Variants in RSPH4A observed in about 807,000 individuals in gnomAD.
RSPH4A encodes the protein radial spoke head protein 4 homolog A.
RSPH4A carries 47 observed loss-of-function variants against 71.0 expected under a neutral mutation model. The observed-to-expected ratio is 0.66, with a 90% CI of 0.52 to 0.84. The LOEUF (loss-of-function observed/expected upper bound fraction) is 0.84. RSPH4A is among the 40% of genes least tolerant of loss of function. The pLI, the probability that RSPH4A is intolerant of heterozygous loss-of-function variation, is 0.00. For synonymous variants in RSPH4A, 282 were observed against 302.3 expected (o/e 0.93, Z 0.70); for missense variants, 793 against 855.2 (o/e 0.93, Z 0.91).
chr6:116,627,933 C>G lies in RSPH4A; in HGVS notation c.1226C>G (p.Ser409Cys). The change falls in exon 3 of 6, where the codon TCC becomes TGC. Residue 409 changes from serine to cysteine, a missense_variant. Physicochemically the swap from Ser to Cys is moderately radical, Grantham distance 112 (BLOSUM62 -1). Coordinates refer to ENST00000229554, the MANE Select transcript of RSPH4A (RefSeq NM_001010892.3). ...HEDEEDELPK[S>C]FYKAPQAIPK... is the part of the protein sequence containing the mutation. ...GATGAGGAAGATGAATTACCAAAGT[C>G]CTTTTACAAGGCCCCACAGGCTATA... The G allele has an allele frequency of 6.2e-7, 1 of 1,614,100 alleles. No homozygotes were observed. Among genetic ancestry groups the G allele is most frequent in the Non-Finnish European group, 8.5e-7 (1 of 1,180,012 alleles).
chr6:116,623,086 G>T (rs1193659174), intron 2 of RSPH4A, 84 bp downstream of exon 2: 6 of 871,828 alleles, frequency 6.9e-6, no homozygotes, highest in Non-Finnish European at 1.1e-5. Context: ...CATACCAACT[G>T]TATTTTATAG....
Position 116,625,431 on chromosome 6 carries a change from T to G in RSPH4A, c.922-2198T>G, listed in dbSNP as rs532028716. 1.1e-3 allele frequency among the ~76,000 whole-genome samples: 167 copies of G among 152,344 alleles called. 1 individual carries two copies. Among genetic ancestry groups the G allele is most frequent in the African/African-American group, 3.8e-3 (159 of 41,582 alleles). On this transcript the variant is annotated intron_variant, in intron 2 of 5. Transcript: ENST00000229554. Reference sequence around the variant, plus strand: ...GCAAACAGAGTGCTTAAAGCCAGACTGTTCTTTGTGCATTGATAAGTAACT... The same window carrying G: ...GCAAACAGAGTGCTTAAAGCCAGACGGTTCTTTGTGCATTGATAAGTAACT...
At chr6:116,622,463 A>G (rs1180809907) in intron 1 of RSPH4A, among the ~76,000 whole-genome samples, 1 of 152,172 alleles carries the variant, frequency 6.6e-6, no homozygotes, top group African/African-American at 2.4e-5. Flanking sequence ...TGATATTGGA[A>G]TCATTTCCTA....
intron 5 of RSPH4A, among the ~76,000 whole-genome samples, chr6:116,631,026 T>A (rs1157276961): frequency 6.6e-6 from 1 of 151,852 alleles, no homozygotes; most frequent in Non-Finnish European, 1.5e-5. Flanking sequence ...GCATATTATG[T>A]GTGTGTGGCA....
intron 4 of RSPH4A, 34 bp downstream of exon 4, chr6:116,629,736 C>A: frequency 7.0e-6 from 11 of 1,569,698 alleles, no homozygotes; most frequent in Non-Finnish European, 9.6e-6. Flanking sequence ...CACACAGACA[C>A]ACAAACAATA....
chr6:116,631,749 T>A (rs1775808526), intron 5 of RSPH4A, among the ~76,000 whole-genome samples: 1 of 152,184 alleles, frequency 6.6e-6, no homozygotes, highest in Admixed American at 6.5e-5. Context: ...AAGTCTGATG[T>A]GCCAGGTAAA....
In RSPH4A at chr6:116,628,383, A is replaced by T. The variant is rs1775737839; in HGVS notation, c.1662+14A>T. On this transcript the variant is annotated intron_variant, in intron 3 of 5. Coordinates refer to ENST00000229554, the MANE Select transcript of RSPH4A (RefSeq NM_001010892.3). ...ATTCTCTCTCAGGTAGGAGCTTTGC[A>T]CTTCTCAATCTATCAGGTAATTAGG... The T allele has an allele frequency of 6.3e-7, 1 of 1,590,144 alleles. No homozygotes were observed. The highest frequency in any genetic ancestry group is 1.3e-5 in the African/African-American group (1 of 74,390).
At chr6:116,622,551 C>G (rs1209419326) in intron 1 of RSPH4A, among the ~76,000 whole-genome samples, 1 of 152,146 alleles carries the variant, frequency 6.6e-6, no homozygotes, top group Non-Finnish European at 1.5e-5. Context: ...TCTCTGAAGA[C>G]TTCAAGTTAT....
rs750812905 is a variant in RSPH4A, at chr6:116,617,279, T to A, written c.656T>A (p.Leu219Gln). Reference protein sequence around the residue: ...ITIQNAKAYLLKTSSNSGFNL... With the variant: ...ITIQNAKAYLQKTSSNSGFNL... ...ATTCAGAATGCTAAGGCTTACCTGC[T>A]GAAGACTAGCAGCAATTCGGGCTTT... The change falls in exon 1 of 6, where the codon CTG (leucine) becomes CAG (glutamine). Residue 219 changes from leucine (L) to glutamine (Q), a missense_variant. By Grantham distance (113) the Leu-to-Gln change is moderately radical. Transcript: ENST00000229554. 6.2e-7 allele frequency: 1 copy of A among 1,612,676 alleles called. No homozygotes were observed. The highest frequency in any genetic ancestry group is 1.3e-5 in the African/African-American group (1 of 74,958).
chr6:116,630,323 GTA>G, intron 4 of RSPH4A, 110 bp from the exon 5 acceptor site: 1 of 765,638 alleles, frequency 1.3e-6, no homozygotes, highest in Non-Finnish European at 2.4e-6. Flanking sequence ...AAGTATGTGT[GTA>G]TCTGTGTGTG....
intron 2 of RSPH4A, among the ~76,000 whole-genome samples, chr6:116,623,778 T>C (rs1302165339): frequency 3.3e-5 from 5 of 152,216 alleles, no homozygotes; most frequent in Non-Finnish European, 1.5e-5. Flanking sequence ...GCTCCTTATA[T>C]TATGACTTGA....
rs1343722988 is a variant in RSPH4A at position 116,632,423 on chromosome 6, G to C, written c.2133G>C (p.Glu711Asp). 1 of 1,613,194 alleles carries C rather than the reference G, an allele frequency of 6.2e-7. No homozygotes were observed. The highest frequency in any genetic ancestry group is 1.7e-5 in the Admixed American group (1 of 59,888). ...ENEESEEDED[E>D]EDDYD ...AAGAATCTGAGGAAGATGAAGATGA[G>C]GAAGATGATTATGACTAATAAACAT... Residue 711 changes from glutamate to aspartate, a missense_variant, in exon 6 of 6, where the codon GAG becomes GAC. Coordinates refer to ENST00000229554, the MANE Select transcript of RSPH4A (RefSeq NM_001010892.3).
intron 3 of RSPH4A, among the ~76,000 whole-genome samples, chr6:116,628,834 A>G (rs1775743351): frequency 6.6e-6 from 1 of 152,212 alleles, no homozygotes; most frequent in Non-Finnish European, 1.5e-5. Flanking sequence ...TAGCAGTTAT[A>G]TAATACCTAT....
chr6:116,622,806 A>G lies in RSPH4A; in HGVS notation c.725A>G (p.Asn242Ser), dbSNP rs990305442. 6.2e-7 allele frequency: 1 copy of G among 1,612,028 alleles called. No individual in the cohort carries two copies. Among genetic ancestry groups the G allele is most frequent in the Non-Finnish European group, 8.5e-7 (1 of 1,178,176 alleles). Residue 242 changes from asparagine (N) to serine (S), a missense_variant, in exon 2 of 6, where the codon AAT becomes AGT. By Grantham distance (46) the Asn-to-Ser change is conservative. Coordinates refer to ENST00000229554, the MANE Select transcript of RSPH4A (RefSeq NM_001010892.3). Reference protein sequence around the residue: ...HLSNMLTKILNERPENAVDIF... With the variant: ...HLSNMLTKILSERPENAVDIF... ...TCTAATATGTTGACCAAGATATTAA[A>G]TGAGCGTCCTGAAAATGCTGTTGAC...
intron 2 of RSPH4A, 115 bp downstream of exon 2, chr6:116,623,117 TTTG>T (rs938459566): frequency 4.6e-5 from 35 of 768,798 alleles, no homozygotes; most frequent in Non-Finnish European, 7.8e-5. Flanking sequence ...TTTGTTTTGT[TTTG>T]TTTTGTTTAG....
chr6:116,620,541 ATTGCTTCCTCCTT>A, intron 1 of RSPH4A, among the ~76,000 whole-genome samples: 1 of 152,322 alleles, frequency 6.6e-6, no homozygotes, highest in East Asian at 1.9e-4. Context: ...ATAGGAAAGA[ATTGCTTCCTCCTT>A]TTCTTCCATT....
chr6:116,624,328 A>G (rs977010693), intron 2 of RSPH4A, among the ~76,000 whole-genome samples: 11 of 152,326 alleles, frequency 7.2e-5, no homozygotes, highest in Admixed American at 6.5e-4. Context: ...CTGGGAGCAA[A>G]CAGCATATGG....
chr6:116,630,118 T>C (rs1158022410), intron 4 of RSPH4A, among the ~76,000 whole-genome samples: 1 of 152,248 alleles, frequency 6.6e-6, no homozygotes, highest in African/African-American at 2.4e-5. Flanking sequence ...CTTGATCTTA[T>C]TCATATTAAT....
At chr6:116,622,481 C>T (rs978260551) in intron 1 of RSPH4A, among the ~76,000 whole-genome samples, 4 of 152,054 alleles carry the variant, frequency 2.6e-5, no homozygotes, top group Admixed American at 2.6e-4. Context: ...CTAAGGAAAA[C>T]TCTAGGATAA....
Sources: allele counts gnomAD v4.1 joint callset (sites outside exome capture counted in the v4.1 genomes callset), GRCh38; gene constraint gnomAD v4.1.1; transcripts MANE v1.5; gene names NCBI Gene and HGNC (gene_info 2026-07-23, HGNC 2026-07-21).